The following MAP3K2 variants were observed in gnomAD, a reference collection of about 807,000 sequenced individuals.
MAP3K2 encodes the protein mitogen-activated protein kinase kinase kinase 2.
In MAP3K2, 24 loss-of-function variants were observed where a neutral mutation model predicts 80.3. The observed-to-expected ratio is 0.30, with a 90% CI of 0.22 to 0.42. The LOEUF (loss-of-function observed/expected upper bound fraction) is 0.42. MAP3K2 is among the 10% of genes least tolerant of loss of function. MAP3K2 has a pLI of 1.00. For synonymous variants in MAP3K2, 244 were observed against 253.7 expected, an observed-to-expected ratio of 0.96 and a Z score of 0.36; for missense variants, 608 against 750.1, an observed-to-expected ratio of 0.81 and a Z score of 2.21.
At chr2:127,332,134 T>C (rs746529295) in intron 5 of MAP3K2, among the ~76,000 whole-genome samples, 2 of 152,232 alleles carry the variant, frequency 1.3e-5, no homozygotes, top group African/African-American at 2.4e-5. Context: ...TTTGGTATCA[T>C]AGAACAAGCC....
At chr2:127,319,666 A>AAAAAAAAG (rs1685976712) in intron 12 of MAP3K2, among the ~76,000 whole-genome samples, 1 of 148,238 alleles carries the variant, frequency 6.7e-6, no homozygotes, top group Admixed American at 6.8e-5. Flanking sequence ...AAAAAAAAAA[A>AAAAAAAAG]AAAAAAAAAA....
chr2:127,308,256 C>T (rs1395323696), intron 16 of MAP3K2, among the ~76,000 whole-genome samples: 1 of 152,126 alleles, frequency 6.6e-6, no homozygotes, highest in Non-Finnish European at 1.5e-5. Context: ...TTATAAGACA[C>T]TGACAACAAA....
intron 1 of MAP3K2, among the ~76,000 whole-genome samples, chr2:127,372,765 AG>A (rs775844469): frequency 9.9e-5 from 15 of 152,178 alleles, no homozygotes; most frequent in Non-Finnish European, 2.2e-4. Context: ...TGATCTTTAA[AG>A]GGAAAGAAAT....
chr2:127,383,855 AT>A (rs1210334514), intron 1 of MAP3K2, among the ~76,000 whole-genome samples: 3 of 146,808 alleles, frequency 2.0e-5, no homozygotes, highest in African/African-American at 7.6e-5. Context: ...TTCTTCTAGC[AT>A]TTTTTTGGCA....
In MAP3K2 at chr2:127,322,724, G is replaced by A. The variant is rs1340030599; in HGVS notation, c.839-472C>T. Among the ~76,000 whole-genome samples, 1 of 151,802 alleles carries A rather than the reference G, an allele frequency of 6.6e-6. No homozygotes were observed. Among genetic ancestry groups the A allele is most frequent in the African/African-American group, 2.4e-5 (1 of 41,340 alleles). On this transcript the variant is annotated intron_variant, in intron 11 of 16. Transcript: ENST00000682094. The surrounding 1 kb of genome is among the most constrained non-coding windows in gnomAD (Gnocchi z 4.2). ...TTCTCCTGTCTCAGCCTCCCAAGTA[G>A]CTGGGATTACAGGCGCCCACCACCA...
chr2:127,303,779 ATC>A lies in MAP3K2; in HGVS notation c.*3798_*3799del, dbSNP rs1164697094. ...TTTAATTGACACCAGGTGATTTTAT[ATC>A]AAGCTATCAGTTCCCAGACTCCAAA... On this transcript the variant is annotated 3_prime_UTR_variant, in exon 17 of 17. Transcript: ENST00000682094. 1 of 152,150 alleles carries A rather than the reference ATC, an allele frequency of 6.6e-6. No homozygotes were observed. The highest frequency in any genetic ancestry group is 1.9e-4 in the East Asian group (1 of 5,198). 9.4% of individuals were successfully genotyped at this position (152,150 alleles called of 1,614,324 possible). A position where few individuals can be genotyped will look rare whatever the true frequency, so the allele number is the denominator to read the frequency against.
At chr2:127,356,602 T>C (rs1049698734) in intron 1 of MAP3K2, among the ~76,000 whole-genome samples, 4 of 152,230 alleles carry the variant, frequency 2.6e-5, no homozygotes, top group African/African-American at 7.2e-5. Context: ...ATCCTCCCAC[T>C]TTGGCCTCCC....
In MAP3K2 at chr2:127,317,662, T is replaced by A. The variant is rs1331648587; in HGVS notation, c.1293A>T (p.Lys431Asn). ...YYGCLRDPQEKTLSIFMEYMP... is the reference protein window; with the variant it reads ...YYGCLRDPQENTLSIFMEYMP... ...TATATTCCATAAATATGGAAAGTGT[T>A]TTTTCCTGGGGATCCCTCAAACAGC... The change falls in exon 14 of 17, where the codon AAA becomes AAT. Residue 431 changes from lysine to asparagine, a missense_variant. This residue lies in a region of MAP3K2 where 467 missense variants were observed against 521.9 expected (regional missense o/e 0.89). Coordinates refer to ENST00000682094, the MANE Select transcript of MAP3K2 (RefSeq NM_001371910.2). The A allele has an allele frequency of 6.3e-7, 1 of 1,584,678 alleles. No homozygotes were observed. Among genetic ancestry groups the A allele is most frequent in the Non-Finnish European group, 8.6e-7 (1 of 1,163,926 alleles).
At chr2:127,378,162 A>G in intron 1 of MAP3K2, 1 of 984,564 alleles carries the variant, frequency 1.0e-6, no homozygotes, top group East Asian at 1.1e-4. Flanking sequence ...CTAAAAAACT[A>G]CACATCCTCA....
At position 127,299,157 on chromosome 2, in the gene MAP3K2, ATTCAAC is replaced by A. The variant is rs1685541869; in HGVS notation, c.*8416_*8421del. ...CTTTTAACATAATAAGCTTAGTGAC[ATTCAAC>A]TTCAACAGTGGACTTTATTCCTAAC... On this transcript the variant is annotated 3_prime_UTR_variant, in exon 17 of 17. Coordinates refer to ENST00000682094, the MANE Select transcript of MAP3K2 (RefSeq NM_001371910.2). The A allele has an allele frequency of 6.6e-6, 1 of 152,180 alleles. No homozygotes were observed. The highest frequency in any genetic ancestry group is 2.4e-5 in the African/African-American group (1 of 41,448). The allele number at this position is 152,180 out of a possible 1,614,324, so 9.4% of individuals were successfully genotyped here. A position where few individuals can be genotyped will look rare whatever the true frequency, so the allele number is the denominator to read the frequency against.
intron 1 of MAP3K2, among the ~76,000 whole-genome samples, chr2:127,375,435 G>C (rs1479078959): frequency 1.1e-4 from 17 of 148,528 alleles, no homozygotes; most frequent in Admixed American, 1.1e-3. Context: ...TTTTGAGACA[G>C]AGTCTCACTC....
intron 1 of MAP3K2, among the ~76,000 whole-genome samples, chr2:127,385,149 A>G (rs1687321449): frequency 6.6e-6 from 1 of 152,242 alleles, no homozygotes. Context: ...AATGTTATCA[A>G]ACAGTATCAC....
At chr2:127,329,802 AG>A in intron 7 of MAP3K2, 118 bp downstream of exon 7, 1 of 619,934 alleles carries the variant, frequency 1.6e-6, no homozygotes, top group African/African-American at 1.9e-5. Flanking sequence ...ATTAAATTAT[AG>A]GAAGTAGAGA....
Position 127,324,231 on chromosome 2 carries a change from G to T in MAP3K2, c.688C>A (p.Pro230Thr). 1 of 1,556,244 alleles carries T rather than the reference G, an allele frequency of 6.4e-7. No individual in the cohort carries two copies. Among genetic ancestry groups the T allele is most frequent in the Non-Finnish European group, 8.7e-7 (1 of 1,149,878 alleles). ...TGAGCCCTAGGCATTCGTGATTTTGGATAGCTCTCTCTATAAAGAAAAAAC... is the reference window on the plus strand; with the variant it reads ...TGAGCCCTAGGCATTCGTGATTTTGTATAGCTCTCTCTATAAAGAAAAAAC... ...LDSPLDGESY[P>T]KSRMPRAQSY... The change falls in exon 10 of 17, where the codon CCA (proline) becomes ACA (threonine). Residue 230 changes from proline (P) to threonine (T), a missense_variant. This residue lies in a region of MAP3K2 where 467 missense variants were observed against 521.9 expected (regional missense o/e 0.89). Coordinates refer to ENST00000682094, the MANE Select transcript of MAP3K2 (RefSeq NM_001371910.2).
chr2:127,342,388 G>GGTGGGT (rs1553517748), intron 2 of MAP3K2, among the ~76,000 whole-genome samples: 1 of 147,864 alleles, frequency 6.8e-6, no homozygotes, highest in African/African-American at 2.5e-5. Flanking sequence ...TCTTCATGAG[G>GGTGGGT]GTGTGTGTGT....
rs947855696 is a variant in MAP3K2, at chr2:127,322,870, C to T, written c.839-618G>A. On this transcript the variant is annotated intron_variant, in intron 11 of 16. Transcript: ENST00000682094. The surrounding 1 kb of genome is among the most constrained non-coding windows in gnomAD (Gnocchi z 4.2). ...TCGGCCTCCCAAAGTGCTGGGATTA[C>T]AGGCATGAGCCACCGCACCTGGCCA... Among the ~76,000 whole-genome samples, 4 of 150,654 alleles carry T rather than the reference C, an allele frequency of 2.7e-5. No individual in the cohort carries two copies. The South Asian group carries it at 8.6e-4, about 32-fold the overall frequency.
At chr2:127,333,304 A>ACC (rs71394682) in intron 5 of MAP3K2, among the ~76,000 whole-genome samples, 4,994 of 146,514 alleles carry the variant, frequency 0.034, 119 homozygotes, top group Middle Eastern at 0.073. Flanking sequence ...ACACACACAC[A>ACC]CCCCTTATTA....
rs1686936379 is a variant in MAP3K2, at chr2:127,364,319, T to C, written c.-65-21125A>G. On this transcript the variant is annotated intron_variant, in intron 1 of 16. Transcript: ENST00000682094. This position sits in a 1 kb window ranked among gnomAD's most constrained non-coding sequence, Gnocchi z 4.1. ...AAAGCAAAGAGTAGGAGTCAATAGG[T>C]TCTGAGTTATACTACGAAGTGTTCC... 6.6e-6 allele frequency among the ~76,000 whole-genome samples: 1 copy of C among 152,032 alleles called. No homozygotes were observed. The highest frequency in any genetic ancestry group is 1.5e-5 in the Non-Finnish European group (1 of 68,004).
At position 127,364,818 on chromosome 2, in the gene MAP3K2, G is replaced by A. The variant is rs1047398035; in HGVS notation, c.-65-21624C>T. On this transcript the variant is annotated intron_variant, in intron 1 of 16. Transcript: ENST00000682094. The surrounding 1 kb of genome is among the most constrained non-coding windows in gnomAD (Gnocchi z 4.1). The stretch of plus-strand genomic sequence containing the variant: ...TTCTCAATCTCTTCTCATTACTACT[G>A]CAATGACTACTAATAAAAGCTACTA... Among the ~76,000 whole-genome samples the A allele has an allele frequency of 2.6e-5, 4 of 151,730 alleles. No homozygotes were observed. Among genetic ancestry groups the A allele is most frequent in the Admixed American group, 6.6e-5 (1 of 15,248 alleles).
Sources: gnomAD v4.1 joint callset for allele counts (sites outside exome capture counted in the v4.1 genomes callset) on GRCh38, gnomAD v4.1.1 for gene constraint, gnomAD v4.1.1 regional missense constraint, Gnocchi (gnomAD v3.1) non-coding constraint, MANE v1.5 for transcripts, NCBI Gene and HGNC (gene_info 2026-07-23, HGNC 2026-07-21) for gene names.